The following TUBA1B variants were observed in gnomAD, a reference collection of about 807,000 sequenced individuals.
TUBA1B encodes the protein tubulin alpha-1B chain.
In TUBA1B, 1 loss-of-function variant was observed where a neutral mutation model predicts 34.4. The observed-to-expected ratio is 0.03, with a 90% CI of 0.01 to 0.14. The LOEUF is 0.14. Ranked by LOEUF, TUBA1B falls within the 10% of genes least tolerant of loss-of-function variation. The probability of loss-of-function intolerance (pLI) is 1.00; values close to 1 mark genes in which losing one functional copy is unlikely to be tolerated. For missense variants in TUBA1B, 54 were observed against 583.6 expected, an observed-to-expected ratio of 0.09 and a Z score of 9.35; for synonymous variants, 197 against 212.5, an observed-to-expected ratio of 0.93 and a Z score of 0.64.
At position 49,128,135 on chromosome 12, in the gene TUBA1B, G is replaced by A; in HGVS notation, c.1179C>T (p.His393=). Residue 393 remains histidine (H), a synonymous_variant, in exon 4 of 4, where the codon CAC becomes CAT. Transcript: ENST00000336023. This position sits in a 1 kb window ranked among gnomAD's most constrained non-coding sequence, Gnocchi z 8.1. ...GCTTGGCATACATCAGGTCAAACTT[G>A]TGGTCCAGGCGAGCCCAGGCCTCAG... ...AIAEAWARLD[H]KFDLMYAKRA... 3 of 1,614,168 alleles carry A rather than the reference G, an allele frequency of 1.9e-6. No individual in the cohort carries two copies. Among genetic ancestry groups the A allele is most frequent in the Admixed American group, 1.7e-5 (1 of 60,010 alleles).
rs751226318 is a variant in TUBA1B, at chr12:49,131,343, C to T, written c.-43G>A. ...AGGCGAAGGCGACAGGAGCAGACAC[C>T]GGGTCCCGGTTACCGTCCCCGACAA... On this transcript the variant is annotated 5_prime_UTR_variant, in exon 1 of 4. Coordinates refer to ENST00000336023, the MANE Select transcript of TUBA1B (RefSeq NM_006082.3). The T allele has an allele frequency of 5.0e-6, 8 of 1,608,082 alleles. No homozygotes were observed. The highest frequency in any genetic ancestry group is 6.8e-6 in the Non-Finnish European group (8 of 1,177,374).
chr12:49,131,122 A>C, intron 1 of TUBA1B, 176 bp downstream of exon 1: 1 of 667,408 alleles, frequency 1.5e-6, no homozygotes, highest in Non-Finnish European at 2.5e-6. Flanking sequence ...GGCCCCCGCT[A>C]TTTACACACA....
intron 1 of TUBA1B, chr12:49,130,395 C>CA: frequency 7.8e-7 from 1 of 1,280,272 alleles, no homozygotes; most frequent in South Asian, 1.2e-5. Flanking sequence ...TTGCGCCCCC[C>CA]GGCGGTGCTG....
intron 1 of TUBA1B, chr12:49,130,451 C>G (rs1396322085): frequency 1.1e-6 from 1 of 920,110 alleles, no homozygotes; most frequent in African/African-American, 1.7e-5. Flanking sequence ...GCCCAAGCCG[C>G]CCATCCTCCC....
intron 1 of TUBA1B, 26 bp downstream of exon 1, chr12:49,131,272 A>G: frequency 6.2e-7 from 1 of 1,606,314 alleles, no homozygotes; most frequent in Non-Finnish European, 8.5e-7. Context: ...CCCTGAAAGC[A>G]GCCGGGAGCC....
Position 49,130,347 on chromosome 12 carries a change from G to A in TUBA1B, c.4-625C>T, listed in dbSNP as rs888156653. 9 of 1,289,086 alleles carry A rather than the reference G, an allele frequency of 7.0e-6. No individual in the cohort carries two copies. The African/African-American group carries it at 1.1e-4, about 15-fold the overall frequency. The allele number at this position is 1,289,086 out of a possible 1,614,324, so 79.9% of individuals were successfully genotyped here. A position where few individuals can be genotyped will look rare whatever the true frequency, so the allele number is the denominator to read the frequency against. On this transcript the variant is annotated intron_variant, in intron 1 of 3. Coordinates refer to ENST00000336023, the MANE Select transcript of TUBA1B (RefSeq NM_006082.3). ...CCGCAGGGACAAGGGGCGGGGCTCT[G>A]CGGCACAGGATGAATGAGCAATTCC...
rs534556480 is a variant in TUBA1B at position 49,131,393 on chromosome 12, A to G, written c.-93T>C. The G allele has an allele frequency of 6.7e-7, 1 of 1,495,722 alleles. No individual in the cohort carries two copies. The highest frequency in any genetic ancestry group is 1.4e-5 in the African/African-American group (1 of 72,544). 92.7% of individuals were successfully genotyped at this position (1,495,722 alleles called of 1,614,324 possible). ...AGCTAAGAGTCGAGGTAAGTAACGC[A>G]CTAGGGCGGGGCCGGCGCTGGAGCC... On this transcript the variant is annotated 5_prime_UTR_variant, in exon 1 of 4. Coordinates refer to ENST00000336023, the MANE Select transcript of TUBA1B (RefSeq NM_006082.3).
rs1277588668 is a variant in TUBA1B, at chr12:49,131,288, G to A, written c.3+10C>T. On this transcript the variant is annotated intron_variant, in intron 1 of 3. Transcript: ENST00000336023. ...CCTGAAAGCAGCCGGGAGCCGCACG[G>A]CTTACTCACCATAGTGGCTAGGGAT... 2 of 1,610,192 alleles carry A rather than the reference G, an allele frequency of 1.2e-6. No homozygotes were observed. Among genetic ancestry groups the A allele is most frequent in the South Asian group, 1.1e-5 (1 of 90,242 alleles).
Position 49,131,360 on chromosome 12 carries a change from C to T in TUBA1B, c.-60G>A, listed in dbSNP as rs1941806831. On this transcript the variant is annotated 5_prime_UTR_variant, in exon 1 of 4. Transcript: ENST00000336023. ...GCAGACACCGGGTCCCGGTTACCGT[C>T]CCCGACAAGCTAAGAGTCGAGGTAA... 1.3e-6 allele frequency: 2 copies of T among 1,597,768 alleles called. No homozygotes were observed. The highest frequency in any genetic ancestry group is 4.5e-5 in the East Asian group (2 of 44,572).
At chr12:49,130,343 C>G in intron 1 of TUBA1B, 1 of 1,289,230 alleles carries the variant, frequency 7.8e-7, no homozygotes, top group Non-Finnish European at 1.0e-6. Flanking sequence ...AGGGGCGGGG[C>G]TCTGCGGCAC....
chr12:49,129,923 G>A (rs1941782155), intron 1 of TUBA1B: 3 of 1,095,076 alleles, frequency 2.7e-6, no homozygotes, highest in South Asian at 3.3e-5. Flanking sequence ...TGGGACCACA[G>A]GCACAGACCA....
At chr12:49,129,165 A>G in intron 3 of TUBA1B, 77 bp downstream of exon 3, 1 of 1,610,134 alleles carries the variant, frequency 6.2e-7, no homozygotes, top group South Asian at 1.1e-5. Context: ...CAAAGAATGA[A>G]TGATGTCAGT....
intron 1 of TUBA1B, chr12:49,131,063 A>C (rs1941801360): frequency 2.0e-6 from 1 of 507,844 alleles, no homozygotes; most frequent in African/African-American, 1.9e-5. Flanking sequence ...CGAGCCCCCC[A>C]TCCCTTCCAG....
chr12:49,130,095 T>C, intron 1 of TUBA1B: 1 of 1,198,646 alleles, frequency 8.3e-7, no homozygotes, highest in South Asian at 1.5e-5. Context: ...CACTATAGTC[T>C]ACGTTGCTTT....
Position 49,131,341 on chromosome 12 carries a change from A to ACCGGGTC in TUBA1B, c.-48_-42dup. On this transcript the variant is annotated 5_prime_UTR_variant, in exon 1 of 4. Coordinates refer to ENST00000336023, the MANE Select transcript of TUBA1B (RefSeq NM_006082.3). Reference sequence around the variant, plus strand: ...GGAGGCGAAGGCGACAGGAGCAGACACCGGGTCCCGGTTACCGTCCCCGAC... The same window carrying ACCGGGTC: ...GGAGGCGAAGGCGACAGGAGCAGACACCGGGTCCCGGGTCCCGGTTACCGTCCCCGAC... 6.2e-7 allele frequency: 1 copy of ACCGGGTC among 1,608,754 alleles called. No individual in the cohort carries two copies. The highest frequency in any genetic ancestry group is 8.5e-7 in the Non-Finnish European group (1 of 1,177,712).
chr12:49,130,543 GTC>G (rs1941791787), intron 1 of TUBA1B: 1 of 358,064 alleles, frequency 2.8e-6, no homozygotes, highest in Admixed American at 3.8e-5. Context: ...CCAGATCTGG[GTC>G]AAGATCCGAT....
intron 1 of TUBA1B, chr12:49,129,946 A>T: frequency 9.7e-7 from 1 of 1,031,644 alleles, no homozygotes; most frequent in Non-Finnish European, 1.4e-6. Flanking sequence ...AAGCTGGCTA[A>T]TTTTTTCATT....
chr12:49,131,234 C>T (rs960386041), intron 1 of TUBA1B, 64 bp downstream of exon 1: 5 of 1,566,190 alleles, frequency 3.2e-6, no homozygotes, highest in Middle Eastern at 1.7e-4. Context: ...AGGGCCCCAG[C>T]GCCCCGCCGG....
chr12:49,130,000 A>G, intron 1 of TUBA1B: 2 of 1,047,902 alleles, frequency 1.9e-6, no homozygotes, highest in Middle Eastern at 3.3e-4. Context: ...TAGGCTACTC[A>G]CGTAATCTGA....
Sources: gnomAD v4.1 joint callset for allele counts on GRCh38, gnomAD v4.1.1 for gene constraint, Gnocchi (gnomAD v3.1) non-coding constraint, MANE v1.5 for transcripts, NCBI Gene and HGNC (gene_info 2026-07-23, HGNC 2026-07-21) for gene names.